Variants in ROBO2 observed in about 807,000 individuals in gnomAD.
The protein encoded by ROBO2 is roundabout guidance receptor 2.
ROBO2 carries 53 observed loss-of-function variants against 160.8 expected under a neutral mutation model. The ratio of observed to expected loss-of-function variants is 0.33; its 90% CI spans 0.26 to 0.41. The LOEUF (loss-of-function observed/expected upper bound fraction) is 0.41, where lower values mean the gene tolerates loss of function less well. Ranked by LOEUF, ROBO2 falls within the 10% of genes least tolerant of loss-of-function variation. The probability of loss-of-function intolerance (pLI) is 1.00; values close to 1 mark genes in which losing one functional copy is unlikely to be tolerated. For missense variants in ROBO2, 1,577 were observed against 1,722.4 expected (o/e 0.92, Z 1.49); for synonymous variants, 664 against 611.7 (o/e 1.09, Z -1.26).
intron 1 of ROBO2, among the ~76,000 whole-genome samples, chr3:77,053,880 G>T (rs752583001): frequency 6.6e-6 from 1 of 152,156 alleles, no homozygotes; most frequent in South Asian, 2.1e-4. Context: ...AGGAGTTGGC[G>T]CAAGGAGAGA....
chr3:76,018,416 A>G (rs970103027), intron 2 of ROBO2, among the ~76,000 whole-genome samples: 2 of 151,826 alleles, frequency 1.3e-5, no homozygotes, highest in Admixed American at 6.6e-5. Flanking sequence ...TTTTTGTTTT[A>G]ATCTGCTGTA....
At chr3:76,176,315 A>G (rs1161014595) in intron 2 of ROBO2, among the ~76,000 whole-genome samples, 1 of 152,074 alleles carries the variant, frequency 6.6e-6, no homozygotes, top group African/African-American at 2.4e-5. Context: ...TGAGTATGGT[A>G]TCTTTTGTAT....
intron 2 of ROBO2, among the ~76,000 whole-genome samples, chr3:77,342,727 C>G (rs1400144489): frequency 6.6e-6 from 1 of 152,156 alleles, no homozygotes. Flanking sequence ...CCCCACCCAA[C>G]ACACACATTA....
chr3:77,074,452 T>C (rs1441662665), intron 1 of ROBO2, among the ~76,000 whole-genome samples: 3 of 152,184 alleles, frequency 2.0e-5, no homozygotes, highest in Non-Finnish European at 4.4e-5. Context: ...GGTCTTTGTA[T>C]TTATCTATTA....
At chr3:77,242,006 G>A (rs1580310537) in intron 2 of ROBO2, among the ~76,000 whole-genome samples, 2 of 152,256 alleles carry the variant, frequency 1.3e-5, no homozygotes, top group South Asian at 2.1e-4. Flanking sequence ...TAGACATTTT[G>A]CTAATATGCG....
chr3:76,946,520 C>T (rs1218602906), intron 2 of ROBO2, among the ~76,000 whole-genome samples: 1 of 152,158 alleles, frequency 6.6e-6, no homozygotes, highest in Non-Finnish European at 1.5e-5. Flanking sequence ...TCACTACAAC[C>T]TCTGCCTCCC....
At chr3:76,938,971 C>CAAAAAA (rs71629626) in intron 2 of ROBO2, among the ~76,000 whole-genome samples, 12 of 114,598 alleles carry the variant, frequency 1.0e-4, no homozygotes, top group African/African-American at 2.5e-4. Context: ...AACTCAGTCT[C>CAAAAAA]AAAAAAAAAA....
intron 2 of ROBO2, among the ~76,000 whole-genome samples, chr3:76,777,229 C>G (rs933866544): frequency 3.3e-5 from 5 of 151,118 alleles, no homozygotes; most frequent in Non-Finnish European, 7.4e-5. Context: ...GTCATACATA[C>G]TTAACAAAAG....
intron 2 of ROBO2, among the ~76,000 whole-genome samples, chr3:76,089,008 A>ACATCTCTATAGATTTATGGG (rs2069125274): frequency 6.6e-6 from 1 of 152,062 alleles, no homozygotes; most frequent in Non-Finnish European, 1.5e-5. Context: ...GAAAGAGAGG[A>ACATCTCTATAGATTTATGGG]CATCTCTATA....
rs1240469598 is a variant in ROBO2, at chr3:76,798,254, AAGAAG to A, written c.110-299759_110-299755del. ...GAAAGAAAGAAAAAAAGAAGAAAGAAAGAAGGAAAGAAAGAAAGAAAGAAAGAAAG... is the reference window on the plus strand; with the variant it reads ...GAAAGAAAGAAAAAAAGAAGAAAGAAGAAAGAAAGAAAGAAAGAAAGAAAG... On this transcript the variant is annotated intron_variant, in intron 2 of 26. Transcript: ENST00000487694. Among the ~76,000 whole-genome samples, 126 of 144,662 alleles carry A rather than the reference AAGAAG, an allele frequency of 8.7e-4. 1 individual carries two copies. Among genetic ancestry groups the A allele is most frequent in the African/African-American group, 3.1e-3 (121 of 38,722 alleles). 94.9% of individuals were successfully genotyped at this position (144,662 alleles called of 152,430 possible). A position where few individuals can be genotyped will look rare whatever the true frequency, so the allele number is the denominator to read the frequency against.
chr3:77,572,061 C>T (rs903917904), intron 13 of ROBO2, among the ~76,000 whole-genome samples: 3 of 152,006 alleles, frequency 2.0e-5, no homozygotes, highest in African/African-American at 7.2e-5. Flanking sequence ...GTCCCTAAAA[C>T]ACTTAATTAA....
intron 1 of ROBO2, among the ~76,000 whole-genome samples, chr3:77,090,020 A>G (rs990393170): frequency 6.6e-6 from 1 of 152,164 alleles, no homozygotes; most frequent in Non-Finnish European, 1.5e-5. Context: ...AATTGGATAT[A>G]TTTTTGACTA....
intron 2 of ROBO2, among the ~76,000 whole-genome samples, chr3:76,897,173 G>A (rs1398235611): frequency 6.6e-6 from 1 of 152,040 alleles, no homozygotes; most frequent in Non-Finnish European, 1.5e-5. Flanking sequence ...CATTTATGAT[G>A]GATCTATCAG....
At chr3:77,359,600 A>G (rs2069631422) in intron 2 of ROBO2, among the ~76,000 whole-genome samples, 1 of 152,148 alleles carries the variant, frequency 6.6e-6, no homozygotes, top group African/African-American at 2.4e-5. Context: ...GTCATCCACC[A>G]GAGCAGATAG....
At chr3:76,806,620 C>T (rs963324031) in intron 2 of ROBO2, among the ~76,000 whole-genome samples, 4 of 151,994 alleles carry the variant, frequency 2.6e-5, no homozygotes, top group East Asian at 1.9e-4. Context: ...CAATCCAAAA[C>T]GATTGGCACA....
chr3:76,390,739 TATC>T (rs1402263701), intron 2 of ROBO2, among the ~76,000 whole-genome samples: 1 of 152,200 alleles, frequency 6.6e-6, no homozygotes, highest in African/African-American at 2.4e-5. Flanking sequence ...TCTAAATGAT[TATC>T]ATATTCTTTT....
chr3:76,267,799 G>T (rs574139132), intron 2 of ROBO2, among the ~76,000 whole-genome samples: 29 of 152,134 alleles, frequency 1.9e-4, no homozygotes, highest in African/African-American at 7.0e-4. Flanking sequence ...CAAAATTAAA[G>T]CTATATTAAT....
Position 76,083,432 on chromosome 3 carries a change from A to AC in ROBO2, c.109+145832dup, listed in dbSNP as rs1373089067. On this transcript the variant is annotated intron_variant, in intron 2 of 26. Transcript: ENST00000487694. The stretch of plus-strand genomic sequence containing the variant: ...GTTGCACTGGGAGTCTTTGAGATTG[A>AC]CCACTGTTCATCATGAGAACTAGAT... Among the ~76,000 whole-genome samples the AC allele has an allele frequency of 2.6e-5, 4 of 152,170 alleles. No homozygotes were observed. In the East Asian group the frequency reaches 7.7e-4, roughly 29 times the overall value.
At chr3:76,080,683 T>C (rs1487109752) in intron 2 of ROBO2, among the ~76,000 whole-genome samples, 1 of 152,230 alleles carries the variant, frequency 6.6e-6, no homozygotes, top group Admixed American at 6.5e-5. Flanking sequence ...GTCTTTATTT[T>C]CATCATTTTC....
Sources: allele counts gnomAD v4.1 joint callset (sites outside exome capture counted in the v4.1 genomes callset), GRCh38; gene constraint gnomAD v4.1.1; transcripts MANE v1.5; gene names NCBI Gene and HGNC (gene_info 2026-07-23, HGNC 2026-07-21).